Variants in MPRIP observed in about 807,000 individuals in gnomAD.
The protein encoded by MPRIP is myosin phosphatase Rho interacting protein.
A neutral mutation model predicts 234.9 loss-of-function variants in MPRIP; 59 were observed. The ratio of observed to expected loss-of-function variants is 0.25; its 90% CI spans 0.20 to 0.31. The LOEUF is 0.31. MPRIP is among the 10% of genes least tolerant of loss of function. The pLI is 1.00. For synonymous variants in MPRIP, 1,144 were observed against 1,263.9 expected, an observed-to-expected ratio of 0.91 and a Z score of 2.01; for missense variants, 2,436 against 3,071.0, an observed-to-expected ratio of 0.79 and a Z score of 4.89.
intron 1 of MPRIP, among the ~76,000 whole-genome samples, chr17:17,063,632 A>G (rs988502706): frequency 1.3e-5 from 2 of 152,078 alleles, no homozygotes; most frequent in African/African-American, 2.4e-5. Flanking sequence ...ATGTCTGACT[A>G]CCTTTCTCCC....
chr17:17,113,302 T>C (rs910169331), intron 3 of MPRIP, among the ~76,000 whole-genome samples: 6 of 152,202 alleles, frequency 3.9e-5, no homozygotes, highest in Non-Finnish European at 5.9e-5. Flanking sequence ...TGAAAAGAAA[T>C]TTGCCAGTAG....
At chr17:17,184,750 C>A in intron 23 of MPRIP, 73 bp from the exon 24 acceptor site, 3 of 1,223,620 alleles carry the variant, frequency 2.5e-6, no homozygotes, top group South Asian at 1.2e-5. Flanking sequence ...GCGGTCCGGT[C>A]TGGTCCGGTC....
chr17:17,080,842 G>A (rs907352048), intron 3 of MPRIP, among the ~76,000 whole-genome samples: 1 of 152,222 alleles, frequency 6.6e-6, no homozygotes, highest in African/African-American at 2.4e-5. Flanking sequence ...CTGGAGTGAG[G>A]GGGATGATGG....
At chr17:17,122,644 C>T (rs774971464) in intron 3 of MPRIP, among the ~76,000 whole-genome samples, 3 of 152,224 alleles carry the variant, frequency 2.0e-5, no homozygotes, top group South Asian at 2.1e-4. Context: ...TGAGCCACTG[C>T]GCCTGGCCAA....
rs908463662 is a variant in MPRIP, at chr17:17,167,039, C to A, written c.5448C>A (p.Leu1816=). 6 of 1,304,206 alleles carry A rather than the reference C, an allele frequency of 4.6e-6. No homozygotes were observed. The African/African-American group carries it at 7.6e-5, about 17-fold the overall frequency. 80.8% of individuals were successfully genotyped at this position (1,304,206 alleles called of 1,614,324 possible). A position where few individuals can be genotyped will look rare whatever the true frequency, so the allele number is the denominator to read the frequency against. The change falls in exon 16 of 24, where the codon CTC becomes CTA. Residue 1816 remains leucine (L), a synonymous_variant. Transcript: ENST00000651222. The surrounding 1 kb of genome is among the most constrained non-coding windows in gnomAD (Gnocchi z 5.9). ...CGCTGAGAGATTGCCAGAAGCTTCT[C>A]CAGGTGTCCCAGAGTCTCTCGTATA... ...VESLRDCQKL[L]QVSQSLSYNT... is the part of the protein sequence containing the mutation.
At position 17,173,393 on chromosome 17, in the gene MPRIP, G is replaced by A. The variant is rs569550307; in HGVS notation, c.6591-523G>A. 5.3e-5 allele frequency among the ~76,000 whole-genome samples: 8 copies of A among 152,354 alleles called. No homozygotes were observed. In the East Asian group the frequency reaches 1.5e-3, roughly 29 times the overall value. Reference sequence around the variant, plus strand: ...AGGGGCCCTGCCTCAGGAGCTGGCAGCAGTCAGCAGCACCCTGTAGAGGCT... The same window carrying A: ...AGGGGCCCTGCCTCAGGAGCTGGCAACAGTCAGCAGCACCCTGTAGAGGCT... On this transcript the variant is annotated intron_variant, in intron 18 of 23. Coordinates refer to ENST00000651222, the MANE Select transcript of MPRIP (RefSeq NM_001364716.4).
At chr17:17,161,064 A>T (rs1363163169) in intron 14 of MPRIP, among the ~76,000 whole-genome samples, 176 bp from the exon 15 acceptor site, 1 of 152,176 alleles carries the variant, frequency 6.6e-6, no homozygotes, top group Non-Finnish European at 1.5e-5. Context: ...GATGGCTTGC[A>T]TTGGAACCTT....
At chr17:17,065,621 C>CT (rs149762479) in intron 1 of MPRIP, among the ~76,000 whole-genome samples, 180 of 148,792 alleles carry the variant, frequency 1.2e-3, no homozygotes, top group African/African-American at 3.9e-3. Context: ...ATTATACCCT[C>CT]TTTTTTTTTT....
At chr17:17,048,551 A>G (rs981935116) in intron 1 of MPRIP, among the ~76,000 whole-genome samples, 1 of 152,176 alleles carries the variant, frequency 6.6e-6, no homozygotes, top group Non-Finnish European at 1.5e-5. Context: ...TCAGACACAC[A>G]AAATCCCATT....
At chr17:17,055,202 A>G (rs1438047043) in intron 1 of MPRIP, among the ~76,000 whole-genome samples, 9 of 152,054 alleles carry the variant, frequency 5.9e-5, no homozygotes, top group Non-Finnish European at 2.9e-5. Context: ...GCAGATCCCA[A>G]TTTTAGGAAT....
chr17:17,101,355 C>G (rs1317021768), intron 3 of MPRIP, among the ~76,000 whole-genome samples: 2 of 152,194 alleles, frequency 1.3e-5, no homozygotes, highest in Admixed American at 1.3e-4. Context: ...CACCTGAGGT[C>G]AGGAGTTCGA....
rs538647931 is a variant in MPRIP, at chr17:17,136,345, A to G, written c.631A>G (p.Lys211Glu). 1.2e-4 allele frequency: 194 copies of G among 1,612,538 alleles called. No individual in the cohort carries two copies. In the East Asian group the frequency reaches 1.9e-3, roughly 15 times the overall value. The change falls in exon 6 of 24, where the codon AAG (lysine) becomes GAG (glutamate). Residue 211 changes from lysine (K) to glutamate (E), a missense_variant. By Grantham distance (56) the Lys-to-Glu change is moderately conservative. This residue lies in a region of MPRIP where 31 missense variants were observed against 90.7 expected (regional missense o/e 0.34). Transcript: ENST00000651222. ...ACTCTGGCAGGAAGAAATGAGGACC[A>G]AGGACCAGCCAGATGGCAGCAGCCT... ...STLWQEEMRT[K>E]DQPDGSSLSP...
Position 17,143,605 on chromosome 17 carries a change from C to G in MPRIP, c.1439C>G (p.Ser480Cys). 1.2e-6 allele frequency: 2 copies of G among 1,604,482 alleles called. No individual in the cohort carries two copies. Among genetic ancestry groups the G allele is most frequent in the Non-Finnish European group, 1.7e-6 (2 of 1,175,742 alleles). ...PPAPLPDASA[S>C]PLSPHRRAKS... ...GCTCCTCTCCCAGACGCCTCGGCTT[C>G]CCCCCTGTCTCCACACCGAAGAGCC... The change falls in exon 9 of 24, where the codon TCC (serine) becomes TGC (cysteine). Residue 480 changes from serine to cysteine, a missense_variant. Coordinates refer to ENST00000651222, the MANE Select transcript of MPRIP (RefSeq NM_001364716.4).
Position 17,172,702 on chromosome 17 carries a change from C to T in MPRIP, c.6477C>T (p.Ile2159=), listed in dbSNP as rs765010779. Residue 2159 remains isoleucine (I), a synonymous_variant, in exon 18 of 24, where the codon ATC becomes ATT. Transcript: ENST00000651222. The part of the protein sequence containing the change: ...AEETAATISA[I]EAMKNAHREE... ...AGGCCGTGTCCTTGCCTGCAGCCAT[C>T]GAAGCCATGAAGAACGCCCACCGGG... 5 of 1,610,778 alleles carry T rather than the reference C, an allele frequency of 3.1e-6. No homozygotes were observed. Among genetic ancestry groups the T allele is most frequent in the East Asian group, 2.2e-5 (1 of 44,874 alleles).
chr17:17,173,820 C>A, intron 18 of MPRIP, 96 bp from the exon 19 acceptor site: 1 of 1,406,296 alleles, frequency 7.1e-7, no homozygotes, highest in South Asian at 1.2e-5. Flanking sequence ...TGGGCCTGAC[C>A]TGTGCTTGGC....
Position 17,046,729 on chromosome 17 carries a change from T to C in MPRIP, c.123+3758T>C, listed in dbSNP as rs1445434529. ...TGCTTTAGGTCAGGGGTCTGCAAAC[T>C]TTTTTGGTAAAAGGCCAAATAGTAA... On this transcript the variant is annotated intron_variant, in intron 1 of 23. Transcript: ENST00000651222. 3.9e-5 allele frequency among the ~76,000 whole-genome samples: 6 copies of C among 152,304 alleles called. No individual in the cohort carries two copies. In the South Asian group the frequency reaches 1.2e-3, roughly 32 times the overall value.
At chr17:17,093,997 A>T (rs1229572045) in intron 3 of MPRIP, among the ~76,000 whole-genome samples, 2 of 152,098 alleles carry the variant, frequency 1.3e-5, no homozygotes, top group African/African-American at 4.8e-5. Context: ...TGTCCTCTGG[A>T]CCTGCTGCAT....
At chr17:17,114,713 C>T (rs962064644) in intron 3 of MPRIP, among the ~76,000 whole-genome samples, 9 of 152,100 alleles carry the variant, frequency 5.9e-5, no homozygotes, top group Non-Finnish European at 1.2e-4. Context: ...ACCCCCCGCC[C>T]ACCCACCACC....
chr17:17,062,606 A>G (rs1450369935), intron 1 of MPRIP, among the ~76,000 whole-genome samples: 2 of 152,208 alleles, frequency 1.3e-5, no homozygotes, highest in South Asian at 4.1e-4. Flanking sequence ...TCACCAGCGG[A>G]CAGAGCAGCG....
Sources: allele counts gnomAD v4.1 joint callset (sites outside exome capture counted in the v4.1 genomes callset), GRCh38; gene constraint gnomAD v4.1.1; regional missense constraint gnomAD v4.1.1; non-coding constraint Gnocchi (gnomAD v3.1); transcripts MANE v1.5; gene names NCBI Gene and HGNC (gene_info 2026-07-23, HGNC 2026-07-21).